The following DYM variants were observed in gnomAD, a reference collection of about 807,000 sequenced individuals.
The protein encoded by DYM is dyggve-Melchior-Clausen syndrome protein.
In DYM, 78 loss-of-function variants were observed where a neutral mutation model predicts 93.1. That is an observed-to-expected ratio of 0.84 (90% CI 0.70 to 1.01). DYM has a LOEUF of 1.01. DYM is among the 50% of genes least tolerant of loss of function. The pLI, the probability that DYM is intolerant of heterozygous loss-of-function variation, is 0.00. For missense variants in DYM, 789 were observed against 845.0 expected (o/e 0.93, Z 0.82); for synonymous variants, 321 against 319.7 (o/e 1.00, Z -0.04).
chr18:49,201,826 C>A (rs867866498), intron 14 of DYM, among the ~76,000 whole-genome samples: 2 of 152,140 alleles, frequency 1.3e-5, no homozygotes, highest in African/African-American at 4.8e-5. Context: ...CAGAAGAGAT[C>A]GCTTTTTATA....
intron 15 of DYM, among the ~76,000 whole-genome samples, chr18:49,161,910 AGCT>A (rs1014813539): frequency 3.3e-4 from 51 of 152,360 alleles, no homozygotes; most frequent in African/African-American, 1.2e-3. Context: ...GCAACTCTAC[AGCT>A]GTCTGGTATG....
chr18:49,154,541 T>C (rs565022302), intron 15 of DYM, among the ~76,000 whole-genome samples: 1 of 152,164 alleles, frequency 6.6e-6, no homozygotes, highest in East Asian at 1.9e-4. Flanking sequence ...ATTACAGTCG[T>C]GTGCCACCAT....
intron 5 of DYM, among the ~76,000 whole-genome samples, chr18:49,370,063 G>T (rs2066864565): frequency 6.6e-6 from 1 of 152,138 alleles, no homozygotes; most frequent in East Asian, 1.9e-4. Context: ...GACCACTTGA[G>T]GTCGGGAGTT....
intron 14 of DYM, among the ~76,000 whole-genome samples, chr18:49,204,440 A>G (rs1318734206): frequency 6.6e-6 from 1 of 152,244 alleles, no homozygotes; most frequent in Non-Finnish European, 1.5e-5. Context: ...AATTAAAACA[A>G]TAGTAGCAGC....
intron 2 of DYM, among the ~76,000 whole-genome samples, chr18:49,403,047 G>T (rs551077758): frequency 4.7e-4 from 72 of 152,264 alleles, no homozygotes; most frequent in African/African-American, 1.6e-3. Flanking sequence ...CCAGCACACA[G>T]CTCAATAAAT....
At chr18:49,114,635 A>C in intron 16 of DYM, 2 of 925,112 alleles carry the variant, frequency 2.2e-6, no homozygotes, top group Non-Finnish European at 2.6e-6. Flanking sequence ...AAAAATTAAT[A>C]TGGTCTTTCA....
chr18:49,313,377 C>T (rs1444924999), intron 8 of DYM, among the ~76,000 whole-genome samples: 1 of 140,752 alleles, frequency 7.1e-6, no homozygotes, highest in Non-Finnish European at 1.5e-5. Context: ...GCAGAAGAAT[C>T]ACTTGAACCA....
intron 6 of DYM, among the ~76,000 whole-genome samples, chr18:49,358,381 C>T (rs1174833475): frequency 6.6e-6 from 1 of 152,096 alleles, no homozygotes; most frequent in Non-Finnish European, 1.5e-5. Context: ...CTAGACACAG[C>T]ATGGACTGGC....
intron 8 of DYM, among the ~76,000 whole-genome samples, chr18:49,309,469 T>C (rs1347140639): frequency 6.6e-6 from 1 of 152,130 alleles, no homozygotes; most frequent in Non-Finnish European, 1.5e-5. Context: ...ATGCAGTCTC[T>C]ATAAATAAAT....
chr18:49,076,942 C>T lies in DYM; in HGVS notation c.2025+20460G>A, dbSNP rs546980668. ...ACCTGGACTCTTTAAACGCTCTAAC[C>T]ATAAATTAGCTCTTGTCTCAGGTGG... On this transcript the variant is annotated intron_variant, in intron 17 of 17. Coordinates refer to ENST00000675505, the MANE Select transcript of DYM (RefSeq NM_001353214.3). Among the ~76,000 whole-genome samples the T allele has an allele frequency of 1.4e-4, 21 of 152,290 alleles. 1 individual carries two copies. In the East Asian group the frequency reaches 4.0e-3, roughly 29 times the overall value.
chr18:49,332,450 C>A (rs1487924757), intron 7 of DYM, among the ~76,000 whole-genome samples: 2 of 152,110 alleles, frequency 1.3e-5, no homozygotes, highest in Non-Finnish European at 2.9e-5. Context: ...CGGTATAACA[C>A]TGTGAGCTAT....
intron 2 of DYM, among the ~76,000 whole-genome samples, chr18:49,424,572 A>G (rs2074071196): frequency 6.6e-6 from 1 of 151,968 alleles, no homozygotes; most frequent in Admixed American, 6.6e-5. Flanking sequence ...GAAAGAAATA[A>G]AGGATATTCA....
intron 17 of DYM, among the ~76,000 whole-genome samples, chr18:49,052,511 C>A (rs546676985): frequency 6.6e-6 from 1 of 152,342 alleles, no homozygotes; most frequent in South Asian, 2.1e-4. Flanking sequence ...AAATCAACAA[C>A]CTAGAAAAGG....
intron 14 of DYM, among the ~76,000 whole-genome samples, chr18:49,169,274 A>G (rs1287005162): frequency 6.6e-6 from 1 of 152,232 alleles, no homozygotes; most frequent in Non-Finnish European, 1.5e-5. Flanking sequence ...GAAAGAGGCA[A>G]TCACTTTGGG....
chr18:49,411,964 G>A (rs980823433), intron 2 of DYM: 4 of 152,030 alleles, frequency 2.6e-5, no homozygotes, highest in African/African-American at 9.7e-5. Context: ...CCAATTCAGT[G>A]GTTAAACTGT....
chr18:49,261,500 G>A (rs182492909), intron 11 of DYM, among the ~76,000 whole-genome samples: 144 of 152,242 alleles, frequency 9.5e-4, no homozygotes, highest in Non-Finnish European at 1.2e-3. Context: ...GTGAAACCCC[G>A]TCTCTACTAA....
At chr18:49,130,898 G>T (rs1205751886) in intron 15 of DYM, among the ~76,000 whole-genome samples, 2 of 152,262 alleles carry the variant, frequency 1.3e-5, no homozygotes, top group Admixed American at 6.5e-5. Context: ...AGGAACATAG[G>T]CCCTGGAGTC....
intron 8 of DYM, among the ~76,000 whole-genome samples, chr18:49,296,844 A>G (rs532223268): frequency 1.3e-5 from 2 of 152,306 alleles, no homozygotes; most frequent in Non-Finnish European, 2.9e-5. Flanking sequence ...CACACTGGCT[A>G]TATCTCCTAT....
chr18:49,271,194 T>C (rs1443078740), intron 11 of DYM, among the ~76,000 whole-genome samples: 1 of 152,108 alleles, frequency 6.6e-6, no homozygotes, highest in Admixed American at 6.6e-5. Context: ...TGTTGAAGTA[T>C]TGGGGGTAGA....
Sources: allele counts gnomAD v4.1 joint callset (sites outside exome capture counted in the v4.1 genomes callset), GRCh38; gene constraint gnomAD v4.1.1; transcripts MANE v1.5; gene names NCBI Gene and HGNC (gene_info 2026-07-23, HGNC 2026-07-21).